MICU3: variants seen among roughly 807,000 people sequenced by gnomAD.
MICU3 encodes the protein calcium uptake protein 3, mitochondrial.
In MICU3, 62 loss-of-function variants were observed where a neutral mutation model predicts 66.5. That is an observed-to-expected ratio of 0.93 (90% CI 0.76 to 1.15). MICU3 has a LOEUF of 1.15. Ranked by LOEUF, MICU3 falls within the 50% of genes most tolerant of loss-of-function variation. The pLI is 0.00. For missense variants in MICU3, 779 were observed against 664.4 expected, an observed-to-expected ratio of 1.17 and a Z score of -1.90; for synonymous variants, 308 against 240.7, an observed-to-expected ratio of 1.28 and a Z score of -2.59.
chr8:17,073,135 C>T (rs1585344362), intron 3 of MICU3, among the ~76,000 whole-genome samples: 1 of 152,136 alleles, frequency 6.6e-6, no homozygotes, highest in Non-Finnish European at 1.5e-5. Flanking sequence ...TGAAATTTGG[C>T]AATACCTAAT....
chr8:17,130,970 T>A, the MICU3 span, among the ~76,000 whole-genome samples: 2,524 of 152,210 alleles, frequency 0.017, 18 homozygotes, highest in Non-Finnish European at 0.026. Context: ...AGAGTACATG[T>A]AAAATGATAG....
At chr8:17,063,457 A>G (rs1017816898) in intron 1 of MICU3, among the ~76,000 whole-genome samples, 1 of 152,160 alleles carries the variant, frequency 6.6e-6, no homozygotes, top group Admixed American at 6.5e-5. Context: ...AAATTGCTCT[A>G]GTTACTTCAG....
At chr8:17,109,610 G>A (rs1232604119) in intron 11 of MICU3, among the ~76,000 whole-genome samples, 1 of 152,126 alleles carries the variant, frequency 6.6e-6, no homozygotes, top group African/African-American at 2.4e-5. Context: ...TGCTAACTCT[G>A]GAAGGATTCA....
chr8:17,119,793 TG>T (rs1218060767), intron 14 of MICU3, among the ~76,000 whole-genome samples: 2 of 152,158 alleles, frequency 1.3e-5, no homozygotes, highest in Non-Finnish European at 2.9e-5. Flanking sequence ...TAGTGTTTTA[TG>T]GAACCCATTT....
intron 3 of MICU3, among the ~76,000 whole-genome samples, chr8:17,077,488 T>G (rs1219291598): frequency 1.3e-5 from 2 of 152,328 alleles, no homozygotes; most frequent in East Asian, 3.9e-4. Context: ...TTAAACTCAC[T>G]GTTTTATCTT....
At chr8:17,101,265 T>C (rs1014768352) in intron 9 of MICU3, among the ~76,000 whole-genome samples, 10 of 151,854 alleles carry the variant, frequency 6.6e-5, no homozygotes, top group Non-Finnish European at 2.9e-5. Context: ...GAGTTCATTT[T>C]ATTTTAACAA....
Position 17,069,687 on chromosome 8 carries a change from G to C in MICU3, c.536-1G>C. On this transcript the variant is annotated splice_acceptor_variant, in intron 2 of 14. Coordinates refer to ENST00000318063, the MANE Select transcript of MICU3 (RefSeq NM_181723.3). LOFTEE classifies it high-confidence loss of function. ...AATTATCTTACATTTGTTTATTTTAGTTGCCAAAACTTGGAAGTCACTTTC... is the reference window on the plus strand; with the variant it reads ...AATTATCTTACATTTGTTTATTTTACTTGCCAAAACTTGGAAGTCACTTTC... 1 of 1,531,018 alleles carries C rather than the reference G, an allele frequency of 6.5e-7. No homozygotes were observed. The highest frequency in any genetic ancestry group is 8.8e-7 in the Non-Finnish European group (1 of 1,132,400). The allele number at this position is 1,531,018 out of a possible 1,614,324, so 94.8% of individuals were successfully genotyped here.
At chr8:17,055,116 A>T (rs1392405688) in intron 1 of MICU3, among the ~76,000 whole-genome samples, 1 of 152,182 alleles carries the variant, frequency 6.6e-6, no homozygotes, top group Admixed American at 6.5e-5. Context: ...TTGGAAAACA[A>T]GGCCAGGCAG....
At chr8:17,085,183 C>T in intron 5 of MICU3, 53 bp from the exon 6 acceptor site, 2 of 1,262,876 alleles carry the variant, frequency 1.6e-6, no homozygotes, top group East Asian at 2.3e-5. Flanking sequence ...GGATTTTGTA[C>T]TTTAAAATAC....
At chr8:17,129,465 A>G in the MICU3 span, among the ~76,000 whole-genome samples, 1 of 152,192 alleles carries the variant, frequency 6.6e-6, no homozygotes, top group Non-Finnish European at 1.5e-5. Context: ...AACTATAAAA[A>G]CCAAATGAAA....
rs571880855 is a variant in MICU3 at position 17,093,746 on chromosome 8, C to G, written c.888+3162C>G. On this transcript the variant is annotated intron_variant, in intron 8 of 14. Transcript: ENST00000318063. The stretch of plus-strand genomic sequence containing the variant: ...CTAGATCTCTAGAAATGTTTTTTGC[C>G]GTAAAATCTCTTTTAGTTATCAGAA... Among the ~76,000 whole-genome samples, 4 of 151,732 alleles carry G rather than the reference C, an allele frequency of 2.6e-5. No individual in the cohort carries two copies. In the East Asian group the frequency reaches 7.8e-4, roughly 29 times the overall value.
chr8:17,133,322 C>T, the MICU3 span, among the ~76,000 whole-genome samples: 1 of 152,098 alleles, frequency 6.6e-6, no homozygotes, highest in Non-Finnish European at 1.5e-5. Context: ...TTGTTATTGA[C>T]ATTTTTTGCT....
intron 1 of MICU3, among the ~76,000 whole-genome samples, chr8:17,028,574 A>G (rs1032838611): frequency 2.0e-5 from 3 of 152,240 alleles, no homozygotes; most frequent in African/African-American, 7.2e-5. Flanking sequence ...ACAGAGAGCT[A>G]TGCTGTTTCT....
chr8:17,114,029 G>A, intron 11 of MICU3, 64 bp from the exon 12 acceptor site: 1 of 1,048,312 alleles, frequency 9.5e-7, no homozygotes, highest in Non-Finnish European at 1.4e-6. Flanking sequence ...TCTCTTATGT[G>A]TAGATCCTGA....
intron 2 of MICU3, among the ~76,000 whole-genome samples, chr8:17,068,375 C>T (rs1046910294): frequency 3.3e-5 from 5 of 152,192 alleles, no homozygotes; most frequent in Non-Finnish European, 7.4e-5. Context: ...GTACCTCTAA[C>T]TTCCTCTTCC....
chr8:17,057,514 T>A (rs1396637135), intron 1 of MICU3, among the ~76,000 whole-genome samples: 1 of 152,178 alleles, frequency 6.6e-6, no homozygotes, highest in East Asian at 1.9e-4. Flanking sequence ...TTAGAGCAAA[T>A]TTTTAACATT....
chr8:17,135,684 T>C, the MICU3 span, among the ~76,000 whole-genome samples: 1 of 152,204 alleles, frequency 6.6e-6, no homozygotes, highest in East Asian at 1.9e-4. Flanking sequence ...GCAGCAGAAA[T>C]CTTTCGAATT....
chr8:17,051,829 C>A (rs1279128240), intron 1 of MICU3, among the ~76,000 whole-genome samples: 1 of 152,006 alleles, frequency 6.6e-6, no homozygotes, highest in African/African-American at 2.4e-5. Flanking sequence ...CAACACTCTC[C>A]AGTAGCCTTG....
chr8:17,062,909 C>A (rs1818072147), intron 1 of MICU3, among the ~76,000 whole-genome samples: 2 of 151,020 alleles, frequency 1.3e-5, no homozygotes, highest in South Asian at 4.2e-4. Context: ...TCCTGAAGAA[C>A]TGTTATGGAT....
Sources: allele counts gnomAD v4.1 joint callset (sites outside exome capture counted in the v4.1 genomes callset), GRCh38; gene constraint gnomAD v4.1.1; transcripts MANE v1.5; gene names NCBI Gene and HGNC (gene_info 2026-07-23, HGNC 2026-07-21).